Variants in GCC2 observed in about 807,000 individuals in gnomAD.
GCC2 encodes the protein GRIP and coiled-coil domain-containing protein 2.
GCC2 carries 120 observed loss-of-function variants against 210.6 expected under a neutral mutation model. The observed-to-expected ratio is 0.57, with a 90% confidence interval of 0.49 to 0.66. The LOEUF (loss-of-function observed/expected upper bound fraction) is 0.66. GCC2 is among the 30% of genes least tolerant of loss of function. The probability of loss-of-function intolerance (pLI) is 0.00; values close to 1 mark genes in which losing one functional copy is unlikely to be tolerated. For synonymous variants in GCC2, 703 were observed against 652.7 expected (o/e 1.08, Z -1.17); for missense variants, 1,868 against 1,871.9 (o/e 1.00, Z 0.04).
intron 17 of GCC2, among the ~76,000 whole-genome samples, 164 bp downstream of exon 17, chr2:108,487,984 G>C (rs907355236): frequency 2.1e-5 from 3 of 144,080 alleles, no homozygotes; most frequent in African/African-American, 7.8e-5. Context: ...TCAGCTCACT[G>C]CCACTTCGCT....
At position 108,475,572 on chromosome 2, in the gene GCC2, A is replaced by T. The variant is rs1464512757; in HGVS notation, c.2898A>T (p.Lys966Asn). Reference sequence around the variant, plus strand: ...AAGAATGCAAAGAAAAGGAGGAGAAAATAAATAAGATAAAATTAGTTGCCG... The same window carrying T: ...AAGAATGCAAAGAAAAGGAGGAGAATATAAATAAGATAAAATTAGTTGCCG... ...LEKECKEKEE[K>N]INKIKLVAVK... The change falls in exon 8 of 23, where the codon AAA (lysine) becomes AAT (asparagine). Residue 966 changes from lysine to asparagine, a missense_variant. Transcript: ENST00000309863. 1.2e-5 allele frequency: 18 copies of T among 1,528,720 alleles called. No homozygotes were observed. The highest frequency in any genetic ancestry group is 1.1e-5 in the Non-Finnish European group (12 of 1,137,428). 94.7% of individuals were successfully genotyped at this position (1,528,720 alleles called of 1,614,324 possible). A position where few individuals can be genotyped will look rare whatever the true frequency, so the allele number is the denominator to read the frequency against.
At chr2:108,486,054 G>T in intron 15 of GCC2, 146 bp downstream of exon 15, 1 of 560,302 alleles carries the variant, frequency 1.8e-6, no homozygotes, top group Admixed American at 3.6e-5. Context: ...ATCAAGTCTG[G>T]CATATAACTG....
In GCC2 at chr2:108,470,173, A is replaced by G. The variant is rs756806500; in HGVS notation, c.844A>G (p.Lys282Glu). 6.2e-7 allele frequency: 1 copy of G among 1,613,594 alleles called. No individual in the cohort carries two copies. Among genetic ancestry groups the G allele is most frequent in the Non-Finnish European group, 8.5e-7 (1 of 1,179,840 alleles). ...KLNELKENLV[K>E]QCEASEKNIQ... ...GAACGAGCTAAAAGAGAACTTAGTAAAACAATGTGAGGCAAGTGAAAAGAA... is the reference window on the plus strand; with the variant it reads ...GAACGAGCTAAAAGAGAACTTAGTAGAACAATGTGAGGCAAGTGAAAAGAA... The change falls in exon 6 of 23, where the codon AAA (lysine) becomes GAA (glutamate). Residue 282 changes from lysine to glutamate, a missense_variant. By Grantham distance (56) the Lys-to-Glu change is moderately conservative. This residue lies in a region of GCC2 where 1,847 missense variants were observed against 1,765.2 expected (regional missense o/e 1.05). Transcript: ENST00000309863.
In GCC2 at chr2:108,486,565, A is replaced by G; in HGVS notation, c.3847A>G (p.Thr1283Ala). The change falls in exon 16 of 23, where the codon ACC (threonine) becomes GCC (alanine). Residue 1283 changes from threonine (T) to alanine (A), a missense_variant. Coordinates refer to ENST00000309863, the MANE Select transcript of GCC2 (RefSeq NM_181453.4). ...GCACAAAATCCACGAGCACCTGAAAACCTCTGCGGAACAGCACCAGCGTAC... is the reference window on the plus strand; with the variant it reads ...GCACAAAATCCACGAGCACCTGAAAGCCTCTGCGGAACAGCACCAGCGTAC... ...EKHKIHEHLK[T>A]SAEQHQRTLS... 6.2e-7 allele frequency: 1 copy of G among 1,614,016 alleles called. No individual in the cohort carries two copies. Among genetic ancestry groups the G allele is most frequent in the Non-Finnish European group, 8.5e-7 (1 of 1,179,966 alleles).
chr2:108,488,381 TA>T (rs1682248937), intron 17 of GCC2, among the ~76,000 whole-genome samples: 1 of 152,144 alleles, frequency 6.6e-6, no homozygotes, highest in Non-Finnish European at 1.5e-5. Context: ...GGATATGAGA[TA>T]ATAGGCTAAC....
chr2:108,466,953 T>C lies in GCC2; in HGVS notation c.217-2027T>C, dbSNP rs543891462. On this transcript the variant is annotated intron_variant, in intron 4 of 22. Coordinates refer to ENST00000309863, the MANE Select transcript of GCC2 (RefSeq NM_181453.4). ...TTATGGTTAAAAATATGTTTGCGTT[T>C]GTCTGAACTTGTTTTCTATTCCATT... 2.0e-5 allele frequency among the ~76,000 whole-genome samples: 3 copies of C among 152,354 alleles called. No homozygotes were observed. In the East Asian group the frequency reaches 5.8e-4, roughly 29 times the overall value.
chr2:108,453,367 T>G (rs188784404), intron 4 of GCC2, among the ~76,000 whole-genome samples: 3 of 152,362 alleles, frequency 2.0e-5, no homozygotes, highest in Admixed American at 2.0e-4. Context: ...TTTCTATGGC[T>G]TTATGTTAAA....
At position 108,471,213 on chromosome 2, in the gene GCC2, G is replaced by C; in HGVS notation, c.1884G>C (p.Gly628=). ...EREERLILEL[G]KKVEQTIQYN... Reference sequence around the variant, plus strand: ...AAGAAAGATTGATTCTTGAACTTGGGAAGAAAGTAGAGCAAACAATCCAGT... The same window carrying C: ...AAGAAAGATTGATTCTTGAACTTGGCAAGAAAGTAGAGCAAACAATCCAGT... The change falls in exon 6 of 23, where the codon GGG becomes GGC. Residue 628 remains glycine, a synonymous_variant. Transcript: ENST00000309863. 6.2e-7 allele frequency: 1 copy of C among 1,605,060 alleles called. No homozygotes were observed. Among genetic ancestry groups the C allele is most frequent in the Non-Finnish European group, 8.5e-7 (1 of 1,177,466 alleles).
Position 108,470,710 on chromosome 2 carries a change from G to T in GCC2, c.1381G>T (p.Gly461Cys). 6.2e-7 allele frequency: 1 copy of T among 1,610,264 alleles called. No homozygotes were observed. The highest frequency in any genetic ancestry group is 8.5e-7 in the Non-Finnish European group (1 of 1,178,478). The change falls in exon 6 of 23, where the codon GGT becomes TGT. Residue 461 changes from glycine to cysteine, a missense_variant. Gly to Cys is a radical substitution (Grantham distance 159). Transcript: ENST00000309863. The part of the protein sequence containing the change: ...EKLTLMFEIQ[G>C]LKEQCENLQQ... ...ATTAACATTAATGTTTGAAATACAG[G>T]GTCTTAAGGAACAGTGTGAAAACCT...
chr2:108,481,860 AT>A, intron 10 of GCC2, 44 bp downstream of exon 10: 1 of 1,367,766 alleles, frequency 7.3e-7, no homozygotes, highest in Non-Finnish European at 1.0e-6. Flanking sequence ...TAACAGGTAT[AT>A]TTTAATCTCA....
intron 13 of GCC2, among the ~76,000 whole-genome samples, chr2:108,484,994 A>C (rs1283886342): frequency 6.6e-6 from 1 of 151,810 alleles, no homozygotes; most frequent in Non-Finnish European, 1.5e-5. Flanking sequence ...TGCAGCCATA[A>C]AAAATGATGA....
At chr2:108,479,493 T>C (rs1386341980) in intron 9 of GCC2, among the ~76,000 whole-genome samples, 3 of 151,610 alleles carry the variant, frequency 2.0e-5, no homozygotes, top group Non-Finnish European at 4.4e-5. Context: ...CTGCAAATAT[T>C]AGTTGGCTGT....
Position 108,475,741 on chromosome 2 carries a change from G to A in GCC2, c.2962-11G>A, listed in dbSNP as rs370201037. The stretch of plus-strand genomic sequence containing the variant: ...CAAAAACCTCTTTAATTTTACTTGT[G>A]TTTAAAACAGACCCAGACTGTGAAG... On this transcript the variant is annotated splice_polypyrimidine_tract_variant and intron_variant, in intron 8 of 22. Coordinates refer to ENST00000309863, the MANE Select transcript of GCC2 (RefSeq NM_181453.4). The A allele has an allele frequency of 5.9e-5, 93 of 1,572,214 alleles. No homozygotes were observed. Among genetic ancestry groups the A allele is most frequent in the Non-Finnish European group, 8.0e-5 (92 of 1,154,296 alleles).
At chr2:108,501,018 CAT>C (rs1682898662) in intron 22 of GCC2, among the ~76,000 whole-genome samples, 1 of 152,156 alleles carries the variant, frequency 6.6e-6, no homozygotes. Context: ...TTGTTTGAGA[CAT>C]AGTGTTGCTC....
intron 15 of GCC2, 55 bp from the exon 16 acceptor site, chr2:108,486,456 C>T (rs1428149088): frequency 6.3e-7 from 1 of 1,580,836 alleles, no homozygotes; most frequent in Non-Finnish European, 8.7e-7. Flanking sequence ...AGGAAAACCT[C>T]TTTAACTAGT....
rs184220438 is a variant in GCC2 at position 108,449,629 on chromosome 2, G to C, written c.7-4G>C. The C allele has an allele frequency of 6.1e-5, 98 of 1,613,410 alleles. No homozygotes were observed. In the African/African-American group the frequency reaches 1.1e-3, roughly 18 times the overall value. ...TGACACCTGGGTTTGATTTTGTTTT[G>C]CAGGATCTTGTTCAAGATGGGGTGG... On this transcript the variant is annotated splice_region_variant and splice_polypyrimidine_tract_variant and intron_variant, in intron 1 of 22. Coordinates refer to ENST00000309863, the MANE Select transcript of GCC2 (RefSeq NM_181453.4).
At position 108,486,664 on chromosome 2, in the gene GCC2, C is replaced by T; in HGVS notation, c.3930+16C>T. The T allele has an allele frequency of 1.2e-6, 2 of 1,600,656 alleles. No individual in the cohort carries two copies. Among genetic ancestry groups the T allele is most frequent in the Non-Finnish European group, 1.7e-6 (2 of 1,173,260 alleles). On this transcript the variant is annotated intron_variant, in intron 16 of 22. Coordinates refer to ENST00000309863, the MANE Select transcript of GCC2 (RefSeq NM_181453.4). ...TGCTGCCAAGGTGCGTTCTTCAGGG[C>T]AGCCACAGCAAGCCACTGGGATTTT...
At chr2:108,474,243 A>G (rs1305788736) in intron 7 of GCC2, among the ~76,000 whole-genome samples, 3 of 152,230 alleles carry the variant, frequency 2.0e-5, no homozygotes, top group Admixed American at 6.5e-5. Context: ...TTTTCCATTC[A>G]TGTAAACATA....
chr2:108,455,475 ACCTTTAAGGT>A (rs1680208919), intron 4 of GCC2, among the ~76,000 whole-genome samples: 1 of 152,094 alleles, frequency 6.6e-6, no homozygotes, highest in East Asian at 1.9e-4. Flanking sequence ...AGCCAACTTT[ACCTTTAAGGT>A]TTTTTTTCTT....
Sources: allele counts gnomAD v4.1 joint callset (sites outside exome capture counted in the v4.1 genomes callset), GRCh38; gene constraint gnomAD v4.1.1; regional missense constraint gnomAD v4.1.1; transcripts MANE v1.5; gene names NCBI Gene and HGNC (gene_info 2026-07-23, HGNC 2026-07-21).